The following CEP170 variants were observed in gnomAD, a reference collection of about 807,000 sequenced individuals.
CEP170 encodes the protein centrosomal protein 170.
In CEP170, 21 loss-of-function variants were observed where a neutral mutation model predicts 151.9. The ratio of observed to expected loss-of-function variants is 0.14; its 90% CI spans 0.10 to 0.20. The LOEUF is 0.20. Ranked by LOEUF, CEP170 falls within the 10% of genes least tolerant of loss-of-function variation. The pLI is 1.00. For synonymous variants in CEP170, 356 were observed against 648.8 expected (o/e 0.55, Z 6.86); for missense variants, 964 against 1,892.9 (o/e 0.51, Z 9.11).
chr1:243,230,587 G>A (rs1191212639), intron 1 of CEP170, among the ~76,000 whole-genome samples: 1 of 152,132 alleles, frequency 6.6e-6, no homozygotes, highest in East Asian at 1.9e-4. Flanking sequence ...ATATTCTGGA[G>A]CTAAAAAGCA....
rs138639913 is a variant in CEP170 at position 243,214,442 on chromosome 1, C to T, written c.196-2478G>A. ...CTGGGATTACAGGCACCTGCCGCCA[C>T]GCCTGGCTAATTTTTGTATTTTTAG... On this transcript the variant is annotated intron_variant, in intron 3 of 19. Transcript: ENST00000366542. 7.6e-3 allele frequency among the ~76,000 whole-genome samples: 1,161 copies of T among 151,768 alleles called. 15 individuals carry two copies. The highest frequency in any genetic ancestry group is 0.026 in the African/African-American group (1,068 of 41,408).
intron 4 of CEP170, among the ~76,000 whole-genome samples, chr1:243,206,398 G>A (rs1404007819): frequency 6.6e-6 from 1 of 152,214 alleles, no homozygotes; most frequent in East Asian, 1.9e-4. Flanking sequence ...CTCCCAAAGT[G>A]CTGGGATTAT....
chr1:243,151,613 G>A (rs1173624514), intron 14 of CEP170, among the ~76,000 whole-genome samples: 3 of 152,282 alleles, frequency 2.0e-5, no homozygotes, highest in Non-Finnish European at 2.9e-5. Flanking sequence ...GTTTGCAGAG[G>A]TTGGTTCATG....
At chr1:243,209,805 G>GT (rs1426352137) in intron 4 of CEP170, among the ~76,000 whole-genome samples, 1 of 151,956 alleles carries the variant, frequency 6.6e-6, no homozygotes, top group Non-Finnish European at 1.5e-5. Context: ...GAGGTGGGAG[G>GT]TAGGAGCCTC....
At chr1:243,243,138 C>T (rs888471632) in intron 1 of CEP170, among the ~76,000 whole-genome samples, 7 of 152,128 alleles carry the variant, frequency 4.6e-5, no homozygotes, top group East Asian at 1.9e-4. Context: ...ACAGGAGGAT[C>T]GCTTGAGCCC....
chr1:243,189,247 T>A (rs1572142702), intron 8 of CEP170, among the ~76,000 whole-genome samples: 1 of 152,240 alleles, frequency 6.6e-6, no homozygotes, highest in East Asian at 1.9e-4. Context: ...CGTTTTAAAA[T>A]AATGGCTTAA....
chr1:243,187,289 C>T (rs2059996621), intron 8 of CEP170, among the ~76,000 whole-genome samples: 1 of 152,124 alleles, frequency 6.6e-6, no homozygotes, highest in Non-Finnish European at 1.5e-5. Flanking sequence ...ACTAGTTACC[C>T]TTAATGGTTC....
chr1:243,162,432 A>G (rs1216783185), intron 13 of CEP170, among the ~76,000 whole-genome samples: 1 of 152,238 alleles, frequency 6.6e-6, no homozygotes, highest in African/African-American at 2.4e-5. Context: ...ATTATTTAAT[A>G]TACTGCTAGT....
At chr1:243,222,008 TA>T (rs2062861456) in intron 2 of CEP170, among the ~76,000 whole-genome samples, 195 bp from the exon 3 acceptor site, 1 of 152,202 alleles carries the variant, frequency 6.6e-6, no homozygotes. Context: ...GAGGAAAACA[TA>T]AAATTTTAAA....
intron 8 of CEP170, among the ~76,000 whole-genome samples, chr1:243,188,800 A>G (rs1185425914): frequency 2.6e-5 from 4 of 152,140 alleles, no homozygotes; most frequent in African/African-American, 9.7e-5. Flanking sequence ...AATTTTTGTA[A>G]AATTTTTATT....
chr1:243,236,673 A>G (rs1314796530), intron 1 of CEP170, among the ~76,000 whole-genome samples: 1 of 152,186 alleles, frequency 6.6e-6, no homozygotes, highest in Non-Finnish European at 1.5e-5. Context: ...ATAGTAAACT[A>G]TCTCCAGGTT....
intron 11 of CEP170, 103 bp from the exon 12 acceptor site, chr1:243,169,857 T>C: frequency 7.3e-7 from 1 of 1,378,716 alleles, no homozygotes; most frequent in Non-Finnish European, 9.8e-7. Context: ...TACAAACCCA[T>C]AATTAAACCT....
At chr1:243,149,157 T>C (rs1056190223) in intron 14 of CEP170, among the ~76,000 whole-genome samples, 1 of 135,636 alleles carries the variant, frequency 7.4e-6, no homozygotes, top group African/African-American at 2.6e-5. Context: ...TTTGGTAAAA[T>C]GTAGAAAGAT....
At chr1:243,242,919 C>G (rs1277274143) in intron 1 of CEP170, among the ~76,000 whole-genome samples, 2 of 152,190 alleles carry the variant, frequency 1.3e-5, no homozygotes, top group Non-Finnish European at 2.9e-5. Context: ...AGGCTGGTCT[C>G]CAACTCCCGA....
intron 4 of CEP170, chr1:243,211,646 A>G: frequency 4.7e-6 from 2 of 424,422 alleles, no homozygotes; most frequent in South Asian, 5.9e-5. Context: ...CTGATGCTGA[A>G]ACTACATAAA....
chr1:243,216,897 G>T (rs1380298471), intron 3 of CEP170, among the ~76,000 whole-genome samples: 1 of 152,200 alleles, frequency 6.6e-6, no homozygotes. Flanking sequence ...TATGTCTTGA[G>T]TTTACTAAAG....
intron 1 of CEP170, among the ~76,000 whole-genome samples, chr1:243,236,411 CTGTT>C (rs1471980003): frequency 9.9e-5 from 15 of 152,208 alleles, no homozygotes; most frequent in South Asian, 2.1e-4. Context: ...CTCTAACACT[CTGTT>C]TGGGCAATAA....
chr1:243,187,764 C>G lies in CEP170; in HGVS notation c.1109-1342G>C, dbSNP rs3766659. 5.5e-4 allele frequency among the ~76,000 whole-genome samples: 84 copies of G among 152,064 alleles called. No individual in the cohort carries two copies. The East Asian group carries it at 0.016, about 28-fold the overall frequency. On this transcript the variant is annotated intron_variant, in intron 8 of 19. Transcript: ENST00000366542. ...GTCCCAATGATTTAACACAGAAACACTAGTTATAAAAATGTGGTGCATAAA... is the reference window on the plus strand; with the variant it reads ...GTCCCAATGATTTAACACAGAAACAGTAGTTATAAAAATGTGGTGCATAAA...
Position 243,172,766 on chromosome 1 carries a change from A to G in CEP170, c.1647T>C (p.Ala549=). Residue 549 remains alanine (A), a synonymous_variant, in exon 11 of 20, where the codon GCT becomes GCC. Transcript: ENST00000366542. The stretch of plus-strand genomic sequence containing the variant: ...CCATTACTGCTGCAGCAGAACTGAG[A>G]GCCCAATCTTTTATTAGATCTTTAT... ...EKHKDLIKDW[A]LSSAAAVMEE... is the part of the protein sequence containing the mutation. The G allele has an allele frequency of 6.3e-7, 1 of 1,576,748 alleles. No individual in the cohort carries two copies. Among genetic ancestry groups the G allele is most frequent in the Non-Finnish European group, 8.6e-7 (1 of 1,160,058 alleles).
Sources: allele counts gnomAD v4.1 joint callset (sites outside exome capture counted in the v4.1 genomes callset), GRCh38; gene constraint gnomAD v4.1.1; transcripts MANE v1.5; gene names NCBI Gene and HGNC (gene_info 2026-07-23, HGNC 2026-07-21).